CEP164: variants seen among roughly 807,000 people sequenced by gnomAD.
CEP164 encodes centrosomal protein of 164 kDa.
In CEP164, 162 loss-of-function variants were observed where a neutral mutation model predicts 182.7. That is an observed-to-expected ratio of 0.89 (90% CI 0.78 to 1.01). The LOEUF (loss-of-function observed/expected upper bound fraction) is 1.01, where lower values mean the gene tolerates loss of function less well. Ranked by LOEUF, CEP164 falls within the 50% of genes least tolerant of loss-of-function variation. The pLI, the probability that CEP164 is intolerant of heterozygous loss-of-function variation, is 0.00. For missense variants in CEP164, 1,735 were observed against 1,790.4 expected, an observed-to-expected ratio of 0.97 and a Z score of 0.56; for synonymous variants, 661 against 690.0, an observed-to-expected ratio of 0.96 and a Z score of 0.66.
At chr11:117,412,036 C>T (rs1171480624) in intron 32 of CEP164, 36 bp from the exon 33 acceptor site, 2 of 1,612,108 alleles carry the variant, frequency 1.2e-6, no homozygotes, top group South Asian at 1.1e-5. Context: ...CCTGGCTATG[C>T]CCAGCGACTG....
rs576006225 is a variant in CEP164 at position 117,380,605 on chromosome 11, C to G, written c.1318-9C>G. ...CCAACACAAACTTTTTATTGCTTCT[C>G]TCCTACAGGCCCAGCAACCACTGGG... is the stretch of plus-strand genomic sequence containing the variant. On this transcript the variant is annotated splice_polypyrimidine_tract_variant and intron_variant, in intron 11 of 32. Transcript: ENST00000278935. 13 of 1,587,772 alleles carry G rather than the reference C, an allele frequency of 8.2e-6. No homozygotes were observed. Among genetic ancestry groups the G allele is most frequent in the African/African-American group, 8.0e-5 (6 of 74,638 alleles).
chr11:117,349,080 T>A (rs1026120436), intron 4 of CEP164, among the ~76,000 whole-genome samples: 8 of 152,120 alleles, frequency 5.3e-5, no homozygotes, highest in African/African-American at 1.7e-4. Context: ...TGGAGTGCAG[T>A]GGTGCGATCT....
intron 27 of CEP164, among the ~76,000 whole-genome samples, chr11:117,402,324 G>T (rs993441085): frequency 1.3e-5 from 2 of 151,652 alleles, no homozygotes; most frequent in African/African-American, 2.4e-5. Flanking sequence ...AGATTCAAGC[G>T]ATTCTCCTGC....
At chr11:117,369,935 A>G (rs1237099965) in intron 8 of CEP164, among the ~76,000 whole-genome samples, 5 of 152,238 alleles carry the variant, frequency 3.3e-5, no homozygotes, top group South Asian at 2.1e-4. Context: ...TAGCAGATTG[A>G]CAGCCTCCAG....
rs2044624536 is a variant in CEP164, at chr11:117,391,340, G to T, written c.2283+125G>T. 4 of 855,458 alleles carry T rather than the reference G, an allele frequency of 4.7e-6. No homozygotes were observed. In the East Asian group the frequency reaches 1.1e-4, roughly 23 times the overall value. 53.0% of individuals were successfully genotyped at this position (855,458 alleles called of 1,614,324 possible). The stretch of plus-strand genomic sequence containing the variant: ...CGTGCAGGCTGGGGAGCCAGGTGGA[G>T]AGTAGGTCTCACACACACAGGCATG... On this transcript the variant is annotated intron_variant, in intron 17 of 32. Transcript: ENST00000278935.
intron 27 of CEP164, among the ~76,000 whole-genome samples, chr11:117,399,663 T>G (rs1379138996): frequency 6.6e-6 from 1 of 152,254 alleles, no homozygotes; most frequent in African/African-American, 2.4e-5. Flanking sequence ...CCTGACTATT[T>G]AATGATTGCC....
chr11:117,394,379 G>A lies in CEP164; in HGVS notation c.2646G>A (p.Gly882=). Residue 882 remains glycine, a synonymous_variant, in exon 21 of 33, where the codon GGG becomes GGA. Transcript: ENST00000278935. The surrounding 1 kb of genome is among the most constrained non-coding windows in gnomAD (Gnocchi z 4.0). The part of the protein sequence containing the change: ...EERKQRAELL[G]HLTGELERLQ... ...GGAAGCAGCGGGCTGAGCTTCTGGG[G>A]CACCTGACCGGAGAGCTGGAGCGCC... 1 of 1,608,686 alleles carries A rather than the reference G, an allele frequency of 6.2e-7. No homozygotes were observed. The highest frequency in any genetic ancestry group is 2.2e-5 in the East Asian group (1 of 44,734).
rs1288057907 is a variant in CEP164 at position 117,394,543 on chromosome 11, T to G, written c.2760+50T>G. On this transcript the variant is annotated intron_variant, in intron 21 of 32. Coordinates refer to ENST00000278935, the MANE Select transcript of CEP164 (RefSeq NM_014956.5). This position sits in a 1 kb window ranked among gnomAD's most constrained non-coding sequence, Gnocchi z 4.0. ...CCCACTGTGACCCCTCCATGCACAG[T>G]AGGAAGGTGCTGGGAGCAGACGCAT... 6.2e-7 allele frequency: 1 copy of G among 1,601,150 alleles called. No homozygotes were observed. Among genetic ancestry groups the G allele is most frequent in the Non-Finnish European group, 8.5e-7 (1 of 1,173,678 alleles).
In CEP164 at chr11:117,392,233, C is replaced by A; in HGVS notation, c.2291C>A (p.Ala764Glu). The A allele has an allele frequency of 6.2e-7, 1 of 1,603,696 alleles. No individual in the cohort carries two copies. Residue 764 changes from alanine (A) to glutamate (E), a missense_variant, in exon 18 of 33, where the codon GCA becomes GAA. Ala to Glu is a moderately radical substitution (Grantham distance 107). Coordinates refer to ENST00000278935, the MANE Select transcript of CEP164 (RefSeq NM_014956.5). ...QLEGERKEAV[A>E]TLEKEHSAEL... ...CCCTTTGCTCCTCCCCAGGCTGTGG[C>A]AACGCTGGAGAAGGAGCACAGTGCT...
chr11:117,328,345 C>T (rs1415043650), intron 1 of CEP164: 1 of 152,252 alleles, frequency 6.6e-6, no homozygotes, highest in Non-Finnish European at 1.5e-5. Context: ...GGCTTCCCCC[C>T]GGGTCCAAAT....
At chr11:117,342,231 T>TGAATA (rs912929457) in intron 3 of CEP164, among the ~76,000 whole-genome samples, 1 of 152,148 alleles carries the variant, frequency 6.6e-6, no homozygotes, top group African/African-American at 2.4e-5. Context: ...TTGTGAAAAA[T>TGAATA]GAATAAATTA....
Position 117,395,284 on chromosome 11 carries a change from C to G in CEP164, c.2913+93C>G, listed in dbSNP as rs1435412136. ...CCACATTTTGTTCATCTGATCTGTC[C>G]AGGGCACTGGGGTTCCAAACTCTGT... On this transcript the variant is annotated intron_variant, in intron 23 of 32. Coordinates refer to ENST00000278935, the MANE Select transcript of CEP164 (RefSeq NM_014956.5). 2.1e-6 allele frequency: 3 copies of G among 1,453,182 alleles called. No homozygotes were observed. In the African/African-American group the frequency reaches 4.2e-5, roughly 20 times the overall value. The allele number at this position is 1,453,182 out of a possible 1,614,324, so 90.0% of individuals were successfully genotyped here.
intron 8 of CEP164, among the ~76,000 whole-genome samples, chr11:117,367,922 G>C (rs976186867): frequency 6.6e-6 from 1 of 152,132 alleles, no homozygotes; most frequent in Non-Finnish European, 1.5e-5. Context: ...CATTTAATAA[G>C]CACTGTAATA....
chr11:117,411,115 G>A lies in CEP164; in HGVS notation c.4163+221G>A. 1 of 543,930 alleles carries A rather than the reference G, an allele frequency of 1.8e-6. No individual in the cohort carries two copies. The highest frequency in any genetic ancestry group is 3.1e-5 in the East Asian group (1 of 32,754). 33.7% of individuals were successfully genotyped at this position (543,930 alleles called of 1,614,324 possible). On this transcript the variant is annotated intron_variant, in intron 31 of 32. Coordinates refer to ENST00000278935, the MANE Select transcript of CEP164 (RefSeq NM_014956.5). This position sits in a 1 kb window ranked among gnomAD's most constrained non-coding sequence, Gnocchi z 4.4. The stretch of plus-strand genomic sequence containing the variant: ...TTCACACCGCCAAGGTCCCAGTGGG[G>A]AAGGGCTGGGCTTACCCTGCCAACC...
In CEP164 at chr11:117,371,347, A is replaced by G. The variant is rs780835246; in HGVS notation, c.1033A>G (p.Lys345Glu). The change falls in exon 9 of 33, where the codon AAG becomes GAG. Residue 345 changes from lysine (K) to glutamate (E), a missense_variant. Transcript: ENST00000278935. Reference protein sequence around the residue: ...TGSEPAKASEKEAPEDTVDAG... With the variant: ...TGSEPAKASEEEAPEDTVDAG... ...CAGTGAGCCTGCCAAAGCCTCTGAA[A>G]AGGAAGCACCAGAGGACACAGTAGA... 6.2e-7 allele frequency: 1 copy of G among 1,614,232 alleles called. No individual in the cohort carries two copies. The highest frequency in any genetic ancestry group is 8.5e-7 in the Non-Finnish European group (1 of 1,180,040).
At position 117,344,157 on chromosome 11, in the gene CEP164, T is replaced by C; in HGVS notation, c.83-9T>C. The C allele has an allele frequency of 6.4e-7, 1 of 1,572,926 alleles. No individual in the cohort carries two copies. The highest frequency in any genetic ancestry group is 2.2e-5 in the East Asian group (1 of 44,584). On this transcript the variant is annotated splice_polypyrimidine_tract_variant and intron_variant, in intron 3 of 32. Transcript: ENST00000278935. ...TCTCTTACTTTCCCACCTCTGCCTCTCCTTGCAGAAATTCTTGAATTTGCC... is the reference window on the plus strand; with the variant it reads ...TCTCTTACTTTCCCACCTCTGCCTCCCCTTGCAGAAATTCTTGAATTTGCC...
chr11:117,379,744 C>A (rs1174943818), intron 11 of CEP164, among the ~76,000 whole-genome samples: 1 of 151,844 alleles, frequency 6.6e-6, no homozygotes, highest in Non-Finnish European at 1.5e-5. Flanking sequence ...TGACCCCAGG[C>A]CGACTACACT....
intron 4 of CEP164, among the ~76,000 whole-genome samples, chr11:117,350,314 C>T (rs150947203): frequency 2.4e-3 from 371 of 152,222 alleles, no homozygotes; most frequent in African/African-American, 7.9e-3. Flanking sequence ...ACAATCCTCC[C>T]ACCTCAAGTC....
In CEP164 at chr11:117,393,488, A is replaced by G. The variant is rs535025197; in HGVS notation, c.2616+362A>G. On this transcript the variant is annotated intron_variant, in intron 20 of 32. Transcript: ENST00000278935. ...AAGAACTGTTCTGAGCTCTTTATCT[A>G]TTTTAACTCATTTAGTCCTCACACC... 5.9e-5 allele frequency among the ~76,000 whole-genome samples: 9 copies of G among 152,262 alleles called. No homozygotes were observed. In the South Asian group the frequency reaches 1.9e-3, roughly 32 times the overall value.
Sources: allele counts gnomAD v4.1 joint callset (sites outside exome capture counted in the v4.1 genomes callset), GRCh38; gene constraint gnomAD v4.1.1; non-coding constraint Gnocchi (gnomAD v3.1); transcripts MANE v1.5; gene names NCBI Gene and HGNC (gene_info 2026-07-23, HGNC 2026-07-21).